The following POU6F2 variants were observed in gnomAD, a reference collection of about 807,000 sequenced individuals.
POU6F2 encodes the protein POU domain, class 6, transcription factor 2.
POU6F2 carries 31 observed loss-of-function variants against 71.3 expected under a neutral mutation model. The observed-to-expected ratio is 0.43, with a 90% CI of 0.33 to 0.59. The LOEUF (loss-of-function observed/expected upper bound fraction) is 0.59. Ranked by LOEUF, POU6F2 falls within the 20% of genes least tolerant of loss-of-function variation. The pLI is 0.04. For missense variants in POU6F2, 783 were observed against 856.8 expected, an observed-to-expected ratio of 0.91 and a Z score of 1.07; for synonymous variants, 347 against 355.7, an observed-to-expected ratio of 0.98 and a Z score of 0.27.
In POU6F2 at chr7:39,378,246, C is replaced by G. The variant is rs1045680684; in HGVS notation, c.973-28354C>G. Among the ~76,000 whole-genome samples the G allele has an allele frequency of 2.6e-5, 4 of 152,182 alleles. No individual in the cohort carries two copies. The East Asian group carries it at 7.7e-4, about 29-fold the overall frequency. ...AGTAGTTTACGGGTGCAGTCATGTT[C>G]TCTTTCTCGAATTTATTCCCTTCTC... is the stretch of plus-strand genomic sequence containing the variant. On this transcript the variant is annotated intron_variant, in intron 5 of 9. Transcript: ENST00000518318.
At chr7:39,241,892 A>G (rs1783733150) in intron 4 of POU6F2, among the ~76,000 whole-genome samples, 1 of 152,116 alleles carries the variant, frequency 6.6e-6, no homozygotes, top group East Asian at 1.9e-4. Context: ...TTTGTAATTA[A>G]CTCTTCCTTG....
intron 5 of POU6F2, among the ~76,000 whole-genome samples, chr7:39,359,463 T>C (rs1045954061): frequency 6.6e-6 from 1 of 152,200 alleles, no homozygotes; most frequent in Non-Finnish European, 1.5e-5. Context: ...ACTAGAACTG[T>C]AAACAGCCTT....
At chr7:39,067,306 A>G (rs1398879946) in intron 1 of POU6F2, among the ~76,000 whole-genome samples, 1 of 151,712 alleles carries the variant, frequency 6.6e-6, no homozygotes, top group Non-Finnish European at 1.5e-5. Flanking sequence ...CTATAGAATT[A>G]TTTTTAAACT....
intron 2 of POU6F2, among the ~76,000 whole-genome samples, chr7:39,091,893 C>G (rs1286557907): frequency 6.6e-6 from 1 of 152,208 alleles, no homozygotes; most frequent in Admixed American, 6.5e-5. Flanking sequence ...AGAACTGGCA[C>G]TTTCTTTGAT....
chr7:39,197,421 G>A (rs996322406), intron 2 of POU6F2, among the ~76,000 whole-genome samples: 2 of 152,234 alleles, frequency 1.3e-5, no homozygotes, highest in African/African-American at 4.8e-5. Flanking sequence ...CGCAGGCCAG[G>A]ACCTGCGTTT....
chr7:39,029,734 C>T (rs1384565798), intron 1 of POU6F2, among the ~76,000 whole-genome samples: 5 of 152,018 alleles, frequency 3.3e-5, no homozygotes, highest in African/African-American at 4.8e-5. Context: ...AAAATTTTAT[C>T]TTATATTTTA....
At chr7:39,311,880 C>G (rs1389491941) in intron 4 of POU6F2, among the ~76,000 whole-genome samples, 1 of 151,962 alleles carries the variant, frequency 6.6e-6, no homozygotes, top group African/African-American at 2.4e-5. Context: ...TAAACAAGAC[C>G]TCAAAGAGGT....
At chr7:39,337,929 G>A (rs960190118) in intron 4 of POU6F2, among the ~76,000 whole-genome samples, 2 of 152,178 alleles carry the variant, frequency 1.3e-5, no homozygotes, top group Admixed American at 6.5e-5. Context: ...CTCATTAGTA[G>A]GTTAGGGTCT....
intron 1 of POU6F2, among the ~76,000 whole-genome samples, chr7:39,084,641 T>C (rs1791196223): frequency 6.6e-6 from 1 of 152,222 alleles, no homozygotes; most frequent in South Asian, 2.1e-4. Context: ...CAGCTTAAAC[T>C]ATTTGTATTG....
intron 1 of POU6F2, among the ~76,000 whole-genome samples, chr7:39,002,336 T>TTTGTTGTTG (rs527720585): frequency 0.1 from 14,745 of 144,576 alleles, 808 homozygotes; most frequent in East Asian, 0.13. Flanking sequence ...ATTTACAAGT[T>TTTGTTGTTG]TTGTTGTTGT....
chr7:39,031,698 T>C (rs1042699060), intron 1 of POU6F2, among the ~76,000 whole-genome samples: 1 of 152,028 alleles, frequency 6.6e-6, no homozygotes, highest in Non-Finnish European at 1.5e-5. Context: ...CTGGTCAACA[T>C]GGCAAAACCC....
chr7:39,419,061 A>G (rs958470874), intron 6 of POU6F2, among the ~76,000 whole-genome samples: 2 of 145,476 alleles, frequency 1.4e-5, no homozygotes, highest in Non-Finnish European at 3.0e-5. Context: ...ACACATATAT[A>G]CACATATATA....
intron 5 of POU6F2, among the ~76,000 whole-genome samples, chr7:39,352,632 T>C (rs1786160728): frequency 6.6e-6 from 1 of 152,186 alleles, no homozygotes; most frequent in Non-Finnish European, 1.5e-5. Context: ...ATAGTAAGCA[T>C]ACTCCAGTGA....
chr7:39,364,600 T>A lies in POU6F2; in HGVS notation c.972+24585T>A, dbSNP rs1036416014. On this transcript the variant is annotated intron_variant, in intron 5 of 9. Transcript: ENST00000518318. ...GTCACTGCAAATGCCATTAATTCTT[T>A]CCTTTTTATGGCTGAGTAGTATTCC... Among the ~76,000 whole-genome samples, 3 of 152,226 alleles carry A rather than the reference T, an allele frequency of 2.0e-5. 1 individual carries two copies. Among genetic ancestry groups the A allele is most frequent in the Admixed American group, 6.5e-5 (1 of 15,288 alleles).
intron 5 of POU6F2, among the ~76,000 whole-genome samples, chr7:39,345,242 A>G (rs71536641): frequency 0.18 from 26,875 of 151,828 alleles, 2,594 homozygotes; most frequent in Admixed American, 0.25. Flanking sequence ...GTTTCTGGAC[A>G]CACCTTTAAA....
chr7:39,014,299 A>G (rs1031305494), intron 1 of POU6F2, among the ~76,000 whole-genome samples: 1 of 152,194 alleles, frequency 6.6e-6, no homozygotes, highest in Non-Finnish European at 1.5e-5. Flanking sequence ...TGTTTCAGAC[A>G]GGGTGTGGAA....
At chr7:39,372,003 A>G (rs1786620781) in intron 5 of POU6F2, among the ~76,000 whole-genome samples, 1 of 152,020 alleles carries the variant, frequency 6.6e-6, no homozygotes, top group Non-Finnish European at 1.5e-5. Context: ...TCAGCCTCCA[A>G]ATTCTGGGCT....
At chr7:39,029,652 CA>C (rs1181691047) in intron 1 of POU6F2, among the ~76,000 whole-genome samples, 2 of 151,856 alleles carry the variant, frequency 1.3e-5, no homozygotes, top group Admixed American at 1.3e-4. Context: ...AAAGAAAGAA[CA>C]ATTATGTTTT....
In POU6F2 at chr7:39,256,908, T is replaced by G. The variant is rs546715974; in HGVS notation, c.598+49288T>G. Among the ~76,000 whole-genome samples the G allele has an allele frequency of 1.8e-3, 277 of 152,316 alleles. 2 individuals carry two copies. The highest frequency in any genetic ancestry group is 6.4e-3 in the African/African-American group (266 of 41,586). On this transcript the variant is annotated intron_variant, in intron 4 of 9. Transcript: ENST00000518318. ...CTTGATGTTAGCCCATTAAAACCCATTAAAACCCATTTTGCATGTTTTACT... is the reference window on the plus strand; with the variant it reads ...CTTGATGTTAGCCCATTAAAACCCAGTAAAACCCATTTTGCATGTTTTACT...
Sources: gnomAD v4.1 joint callset for allele counts (sites outside exome capture counted in the v4.1 genomes callset) on GRCh38, gnomAD v4.1.1 for gene constraint, MANE v1.5 for transcripts, NCBI Gene and HGNC (gene_info 2026-07-23, HGNC 2026-07-21) for gene names.